Variants in PCDHGA1 observed in about 807,000 individuals in gnomAD.
PCDHGA1 encodes protocadherin gamma subfamily A, 1.
In PCDHGA1, 32 loss-of-function variants were observed where a neutral mutation model predicts 58.0. The observed-to-expected ratio is 0.55, with a 90% CI of 0.42 to 0.74. The LOEUF (loss-of-function observed/expected upper bound fraction) is 0.74. Ranked by LOEUF, PCDHGA1 falls within the 30% of genes least tolerant of loss-of-function variation. The pLI is 0.00. For missense variants in PCDHGA1, 1,205 were observed against 1,182.3 expected (o/e 1.02, Z -0.28); for synonymous variants, 498 against 501.1 (o/e 0.99, Z 0.08).
intron 1 of PCDHGA1, chr5:141,351,901 G>C (rs760555793): frequency 6.2e-7 from 1 of 1,613,280 alleles, no homozygotes; most frequent in African/African-American, 1.3e-5. Flanking sequence ...TGCGCGTGTT[G>C]GTGGGCGACC....
At chr5:141,481,323 C>T (rs539518691) in intron 1 of PCDHGA1, among the ~76,000 whole-genome samples, 1 of 152,284 alleles carries the variant, frequency 6.6e-6, no homozygotes, top group Non-Finnish European at 1.5e-5. Flanking sequence ...AAAGCACTAG[C>T]CCCTGGACAA....
At chr5:141,438,631 TATATACACAC>T (rs1330021858) in intron 1 of PCDHGA1, among the ~76,000 whole-genome samples, 2,835 of 42,824 alleles carry the variant, frequency 0.066, 23 homozygotes, top group African/African-American at 0.13. Flanking sequence ...TATATATATA[TATATACACAC>T]ACACACACAC....
chr5:141,426,958 C>A (rs1176636556), intron 1 of PCDHGA1: 1 of 456,728 alleles, frequency 2.2e-6, no homozygotes, highest in South Asian at 1.5e-5. Context: ...GGCACTGCTG[C>A]AATTCAAATT....
At chr5:141,365,372 AT>A in intron 1 of PCDHGA1, 1 of 1,613,916 alleles carries the variant, frequency 6.2e-7, no homozygotes, top group Non-Finnish European at 8.5e-7. Flanking sequence ...CCCCGAAGTG[AT>A]CCTCACCTCT....
At chr5:141,346,206 C>T (rs1219686789) in intron 1 of PCDHGA1, 1 of 1,614,156 alleles carries the variant, frequency 6.2e-7, no homozygotes, top group South Asian at 1.1e-5. Context: ...GTCACGCCTG[C>T]TGCAGGCTTC....
At chr5:141,473,229 T>G (rs891825934) in intron 1 of PCDHGA1, among the ~76,000 whole-genome samples, 8 of 152,160 alleles carry the variant, frequency 5.3e-5, no homozygotes, top group Admixed American at 1.3e-4. Context: ...GGAGATTGGA[T>G]CCACACAAGT....
intron 1 of PCDHGA1, chr5:141,371,463 C>A (rs753028927): frequency 6.2e-7 from 1 of 1,613,952 alleles, no homozygotes; most frequent in Non-Finnish European, 8.5e-7. Context: ...CCAACATATA[C>A]AAGAAGATGC....
chr5:141,330,922 A>G lies in PCDHGA1; in HGVS notation c.238A>G (p.Arg80Gly), dbSNP rs139589644. Residue 80 changes from arginine (R) to glycine (G), a missense_variant, in exon 1 of 4, where the codon AGA becomes GGA. Coordinates refer to ENST00000517417, the MANE Select transcript of PCDHGA1 (RefSeq NM_018912.3). ...GRMPLFALNP[R>G]SGSLITARRI... ...GATGCCGCTTTTCGCTCTGAATCCT[A>G]GAAGTGGCAGCTTGATCACCGCGCG... 5 of 1,614,184 alleles carry G rather than the reference A, an allele frequency of 3.1e-6. No homozygotes were observed. Among genetic ancestry groups the G allele is most frequent in the South Asian group, 1.1e-5 (1 of 91,092 alleles).
At chr5:141,414,491 A>T in intron 1 of PCDHGA1, 1 of 1,613,962 alleles carries the variant, frequency 6.2e-7, no homozygotes, top group Non-Finnish European at 8.5e-7. Flanking sequence ...CTATCAACGG[A>T]AGCTCACTTT....
At chr5:141,428,532 C>T (rs1561836699) in intron 1 of PCDHGA1, 7 of 277,518 alleles carry the variant, frequency 2.5e-5, no homozygotes, top group Non-Finnish European at 5.0e-5. Context: ...TTAATTTTCT[C>T]ACCATGACAC....
chr5:141,405,400 T>C (rs986034251), intron 1 of PCDHGA1: 3 of 1,590,732 alleles, frequency 1.9e-6, no homozygotes, highest in Non-Finnish European at 2.6e-6. Flanking sequence ...TTTTCTTTCT[T>C]TCTTTTCTTT....
chr5:141,432,960 G>C lies in PCDHGA1; in HGVS notation c.2422-61847G>C. ...CAGGCTTCAGGAGGCGGCTTGACAG[G>C]AGCGCCGGCGTCGCACTTTGTGGGC... On this transcript the variant is annotated intron_variant, in intron 1 of 3. Transcript: ENST00000517417. This position sits in a 1 kb window ranked among gnomAD's most constrained non-coding sequence, Gnocchi z 6.0. The C allele has an allele frequency of 2.5e-6, 4 of 1,614,188 alleles. No homozygotes were observed. The highest frequency in any genetic ancestry group is 3.4e-6 in the Non-Finnish European group (4 of 1,180,034).
intron 1 of PCDHGA1, chr5:141,360,356 A>G: frequency 6.2e-7 from 1 of 1,613,930 alleles, no homozygotes; most frequent in Non-Finnish European, 8.5e-7. Context: ...GAGAAGGAAT[A>G]TTTCACAGTA....
intron 1 of PCDHGA1, chr5:141,413,070 T>C: frequency 8.4e-7 from 1 of 1,195,132 alleles, no homozygotes; most frequent in African/African-American, 1.5e-5. Context: ...GAATTTAAAG[T>C]GCCCAGGCTA....
chr5:141,463,438 C>CTTTTTTTT (rs71576115), intron 1 of PCDHGA1, among the ~76,000 whole-genome samples: 3 of 103,252 alleles, frequency 2.9e-5, no homozygotes, highest in African/African-American at 8.9e-5. Context: ...TTTCCTTCTC[C>CTTTTTTTT]TTTTTTTTTT....
intron 1 of PCDHGA1, chr5:141,433,023 A>C: frequency 6.2e-7 from 1 of 1,614,084 alleles, no homozygotes; most frequent in East Asian, 2.2e-5. Context: ...ACCTATTCCC[A>C]CGAGGTTTCC....
rs1236013576 is a variant in PCDHGA1 at position 141,375,392 on chromosome 5, A to G, written c.2421+42287A>G. On this transcript the variant is annotated intron_variant, in intron 1 of 3. Transcript: ENST00000517417. ...AACACCACCTCTGTCTACAGAAACA[A>G]TCATCTCTCTAAATGTGGCAGACAC... 33 of 1,613,850 alleles carry G rather than the reference A, an allele frequency of 2.0e-5. 1 individual carries two copies. Among genetic ancestry groups the G allele is most frequent in the African/African-American group, 4.0e-5 (3 of 74,932 alleles).
At position 141,344,909 on chromosome 5, in the gene PCDHGA1, C is replaced by A. The variant is rs267600448; in HGVS notation, c.2421+11804C>A. On this transcript the variant is annotated intron_variant, in intron 1 of 3. Transcript: ENST00000517417. ...TGCCTGGGAAAATCGCTGAGATTTT[C>A]CATCTTAACTCAGTGAGTGGAGAAG... 7 of 1,613,816 alleles carry A rather than the reference C, an allele frequency of 4.3e-6. No individual in the cohort carries two copies. The East Asian group carries it at 1.3e-4, about 31-fold the overall frequency.
intron 1 of PCDHGA1, chr5:141,391,283 A>G (rs2092334879): frequency 6.6e-6 from 1 of 152,120 alleles, no homozygotes; most frequent in African/African-American, 2.4e-5. Context: ...CAAATTGCTG[A>G]AAGAAGGAAA....
Sources: allele counts gnomAD v4.1 joint callset (sites outside exome capture counted in the v4.1 genomes callset), GRCh38; gene constraint gnomAD v4.1.1; non-coding constraint Gnocchi (gnomAD v3.1); transcripts MANE v1.5; gene names NCBI Gene and HGNC (gene_info 2026-07-23, HGNC 2026-07-21).